Variants in DCAF17 observed in about 807,000 individuals in gnomAD.
DCAF17 encodes the protein DDB1 and CUL4 associated factor 17.
Under a neutral mutation model 66.0 loss-of-function variants are expected in DCAF17, and 48 were observed. The observed-to-expected ratio is 0.73, with a 90% CI of 0.58 to 0.92. The LOEUF is 0.92. Among genes scored for constraint, DCAF17 ranks in the 40% least tolerant of loss-of-function variants. The pLI is 0.00. For missense variants in DCAF17, 562 were observed against 622.8 expected (o/e 0.90, Z 1.04); for synonymous variants, 206 against 214.6 (o/e 0.96, Z 0.35).
In DCAF17 at chr2:171,484,097, G is replaced by A; in HGVS notation, c.*2983G>A. On this transcript the variant is annotated 3_prime_UTR_variant, in exon 14 of 14. Transcript: ENST00000375255. ...AATGTAGTTCTTCATTCAATGGTTAGCAGTCATTAAAAGGTACTTTCCCTT... is the reference window on the plus strand; with the variant it reads ...AATGTAGTTCTTCATTCAATGGTTAACAGTCATTAAAAGGTACTTTCCCTT... The A allele has an allele frequency of 2.2e-6, 1 of 453,944 alleles. No individual in the cohort carries two copies. Among genetic ancestry groups the A allele is most frequent in the Non-Finnish European group, 4.4e-6 (1 of 226,748 alleles). The allele number at this position is 453,944 out of a possible 1,614,324, so 28.1% of individuals were successfully genotyped here.
At chr2:171,478,154 G>C in intron 12 of DCAF17, 84 bp downstream of exon 12, 1 of 1,292,048 alleles carries the variant, frequency 7.7e-7, no homozygotes, top group Non-Finnish European at 1.1e-6. Context: ...CATATCCTGG[G>C]GTAGAGGTTG....
chr2:171,451,295 C>T (rs1258291467), intron 5 of DCAF17, among the ~76,000 whole-genome samples: 1 of 152,154 alleles, frequency 6.6e-6, no homozygotes, highest in Middle Eastern at 3.4e-3. Flanking sequence ...CTAATCCTGC[C>T]CAGTCACATT....
In DCAF17 at chr2:171,481,411, A is replaced by C. The variant is rs867895251; in HGVS notation, c.*297A>C. ...AACAGAAAAGGACAGGTTAATTCCA[A>C]TTGTTGAGGAGTTAAGTCATTGATG... is the stretch of plus-strand genomic sequence containing the variant. On this transcript the variant is annotated 3_prime_UTR_variant, in exon 14 of 14. Coordinates refer to ENST00000375255, the MANE Select transcript of DCAF17 (RefSeq NM_025000.4). The C allele has an allele frequency of 6.1e-6, 3 of 489,060 alleles. No individual in the cohort carries two copies. Among genetic ancestry groups the C allele is most frequent in the Non-Finnish European group, 1.2e-5 (3 of 250,540 alleles). 30.3% of individuals were successfully genotyped at this position (489,060 alleles called of 1,614,324 possible).
At chr2:171,436,271 G>C (rs1429963678) in intron 2 of DCAF17, among the ~76,000 whole-genome samples, 1 of 152,170 alleles carries the variant, frequency 6.6e-6, no homozygotes, top group East Asian at 1.9e-4. Context: ...AAATAATGCT[G>C]CTATAAACAT....
rs200459384 is a variant in DCAF17 at position 171,448,845 on chromosome 2, A to G, written c.458+28A>G. The stretch of plus-strand genomic sequence containing the variant: ...ATTTACTGTGAATTTATTATTCAAG[A>G]TTTTATTTTAAAAATTTGAAACCTG... On this transcript the variant is annotated intron_variant, in intron 4 of 13. Coordinates refer to ENST00000375255, the MANE Select transcript of DCAF17 (RefSeq NM_025000.4). The G allele has an allele frequency of 5.0e-6, 8 of 1,596,118 alleles. No individual in the cohort carries two copies. The East Asian group carries it at 1.6e-4, about 31-fold the overall frequency.
chr2:171,466,413 T>C (rs1402641810), intron 8 of DCAF17, among the ~76,000 whole-genome samples: 2 of 152,178 alleles, frequency 1.3e-5, no homozygotes, highest in African/African-American at 4.8e-5. Context: ...TTTTTCACAA[T>C]GTAGGAAGTG....
At position 171,434,333 on chromosome 2, in the gene DCAF17, G is replaced by C. The variant is rs889520855; in HGVS notation, c.-245G>C. ...GCGTCGCACTGTCAGCGGCCAGAGA[G>C]CCTGGGGCAGATCGAAAAGGGAGTG... On this transcript the variant is annotated 5_prime_UTR_variant, in exon 1 of 14. Coordinates refer to ENST00000375255, the MANE Select transcript of DCAF17 (RefSeq NM_025000.4). 2.0e-5 allele frequency: 14 copies of C among 696,210 alleles called. No homozygotes were observed. Among genetic ancestry groups the C allele is most frequent in the Non-Finnish European group, 3.3e-5 (13 of 397,580 alleles). 43.1% of individuals were successfully genotyped at this position (696,210 alleles called of 1,614,324 possible). A position where few individuals can be genotyped will look rare whatever the true frequency, so the allele number is the denominator to read the frequency against.
At chr2:171,446,500 C>T (rs976434086) in intron 3 of DCAF17, among the ~76,000 whole-genome samples, 6 of 151,662 alleles carry the variant, frequency 4.0e-5, no homozygotes, top group Non-Finnish European at 8.8e-5. Context: ...GAGCAGAGAT[C>T]ATGCCACTGC....
chr2:171,456,617 T>G (rs1695275690), intron 6 of DCAF17, among the ~76,000 whole-genome samples: 1 of 152,256 alleles, frequency 6.6e-6, no homozygotes, highest in South Asian at 2.1e-4. Context: ...ATGCTATTGA[T>G]TCTTCCTAAC....
At position 171,476,963 on chromosome 2, in the gene DCAF17, T is replaced by G; in HGVS notation, c.1182+13T>G. 3 of 1,578,168 alleles carry G rather than the reference T, an allele frequency of 1.9e-6. No individual in the cohort carries two copies. The highest frequency in any genetic ancestry group is 2.6e-6 in the Non-Finnish European group (3 of 1,147,954). On this transcript the variant is annotated intron_variant, in intron 11 of 13. Transcript: ENST00000375255. Reference sequence around the variant, plus strand: ...GGAGAACCATAAAGTAAGTCAAGAGTACTTTAAAATCCTTTATATATCATT... The same window carrying G: ...GGAGAACCATAAAGTAAGTCAAGAGGACTTTAAAATCCTTTATATATCATT...
intron 6 of DCAF17, among the ~76,000 whole-genome samples, chr2:171,454,604 A>G (rs1208398883): frequency 6.6e-6 from 1 of 151,764 alleles, no homozygotes; most frequent in Non-Finnish European, 1.5e-5. Context: ...ATTTTAAAAT[A>G]TGTTTGAATT....
chr2:171,476,802 T>C (rs965578623), intron 10 of DCAF17, 58 bp from the exon 11 acceptor site: 1 of 1,266,556 alleles, frequency 7.9e-7, no homozygotes, highest in African/African-American at 1.5e-5. Context: ...ACTTAAACTT[T>C]GGCACCTTGA....
At chr2:171,474,754 T>G (rs1454640580) in intron 10 of DCAF17, among the ~76,000 whole-genome samples, 2 of 152,216 alleles carry the variant, frequency 1.3e-5, no homozygotes, top group Non-Finnish European at 2.9e-5. Flanking sequence ...GGCATTCTCT[T>G]TCTCTCATAC....
intron 6 of DCAF17, among the ~76,000 whole-genome samples, chr2:171,455,464 C>T (rs1037883946): frequency 2.0e-5 from 3 of 152,102 alleles, no homozygotes; most frequent in African/African-American, 4.8e-5. Flanking sequence ...CTGCAGTGAA[C>T]GTATATGTGC....
chr2:171,480,797 C>CT (rs1413700450), intron 13 of DCAF17, among the ~76,000 whole-genome samples, 177 bp from the exon 14 acceptor site: 1 of 152,194 alleles, frequency 6.6e-6, no homozygotes, highest in African/African-American at 2.4e-5. Flanking sequence ...TGTAGAATGC[C>CT]TTTTTTGTTA....
At chr2:171,467,222 A>T (rs1202255488) in intron 8 of DCAF17, among the ~76,000 whole-genome samples, 3 of 118,024 alleles carry the variant, frequency 2.5e-5, no homozygotes, top group Non-Finnish European at 6.1e-5. Flanking sequence ...TGCCACAATT[A>T]AAAAAAAAAT....
Position 171,480,108 on chromosome 2 carries a change from CTGA to C in DCAF17, c.1338_1340del (p.Glu447del). ...GTGGTAGCTGTTACTCAAATAGATG[CTGA>C]AGGAAAAGCTCACCTGGATTTCCAC... On this transcript the variant is annotated inframe_deletion, in exon 13 of 14. Coordinates refer to ENST00000375255, the MANE Select transcript of DCAF17 (RefSeq NM_025000.4). 6.2e-7 allele frequency: 1 copy of C among 1,613,776 alleles called. No individual in the cohort carries two copies. Among genetic ancestry groups the C allele is most frequent in the Non-Finnish European group, 8.5e-7 (1 of 1,179,796 alleles).
intron 9 of DCAF17, among the ~76,000 whole-genome samples, chr2:171,471,997 A>T (rs1559287784): frequency 6.6e-6 from 1 of 152,136 alleles, no homozygotes; most frequent in Non-Finnish European, 1.5e-5. Context: ...CCTGTGCAAC[A>T]GAGTGAGACC....
In DCAF17 at chr2:171,434,565, G is replaced by A. The variant is rs1433724745; in HGVS notation, c.-13G>A. The A allele has an allele frequency of 3.7e-5, 56 of 1,525,420 alleles. No individual in the cohort carries two copies. Among genetic ancestry groups the A allele is most frequent in the Middle Eastern group, 4.4e-4 (2 of 4,572 alleles). The allele number at this position is 1,525,420 out of a possible 1,614,324, so 94.5% of individuals were successfully genotyped here. A position where few individuals can be genotyped will look rare whatever the true frequency, so the allele number is the denominator to read the frequency against. On this transcript the variant is annotated 5_prime_UTR_variant, in exon 1 of 14. Coordinates refer to ENST00000375255, the MANE Select transcript of DCAF17 (RefSeq NM_025000.4). ...CGGCGGCCCAGCCTACCCAGGGCCC[G>A]GCCCGCGCCTCCATGGGCCCGACCC...
Sources: gnomAD v4.1 joint callset for allele counts (sites outside exome capture counted in the v4.1 genomes callset) on GRCh38, gnomAD v4.1.1 for gene constraint, MANE v1.5 for transcripts, NCBI Gene and HGNC (gene_info 2026-07-23, HGNC 2026-07-21) for gene names.